COL9A3: variants seen among roughly 807,000 people sequenced by gnomAD.
The protein encoded by COL9A3 is collagen type IX alpha 3 chain, also known as collagen alpha-3(IX) chain.
COL9A3 carries 82 observed loss-of-function variants against 110.2 expected under a neutral mutation model. The ratio of observed to expected loss-of-function variants is 0.74; its 90% confidence interval spans 0.62 to 0.89. COL9A3 has a LOEUF of 0.89. Among genes scored for constraint, COL9A3 ranks in the 40% least tolerant of loss-of-function variants. COL9A3 has a pLI of 0.00. For missense variants in COL9A3, 1,066 were observed against 981.3 expected (o/e 1.09, Z -1.15); for synonymous variants, 494 against 403.8 (o/e 1.22, Z -2.68).
intron 8 of COL9A3, 50 bp downstream of exon 8, chr20:62,821,860 ACCC>A: frequency 9.4e-7 from 1 of 1,064,124 alleles, no homozygotes; most frequent in South Asian, 1.3e-5. Context: ...TGTGGCCTCC[ACCC>A]CCAGACTCAA....
chr20:62,826,638 C>A, intron 14 of COL9A3, 129 bp from the exon 15 acceptor site: 2 of 984,470 alleles, frequency 2.0e-6, no homozygotes, highest in Non-Finnish European at 3.1e-6. Context: ...TAGGTGGCAT[C>A]TTGGGGGAAC....
intron 26 of COL9A3, among the ~76,000 whole-genome samples, chr20:62,834,447 T>C (rs61693779): frequency 0.03 from 4,389 of 148,662 alleles, 210 homozygotes; most frequent in African/African-American, 0.11. Context: ...CAGTCGTGAG[T>C]CCGAGGGAAG....
At chr20:62,820,398 A>C (rs1053062497) in intron 5 of COL9A3, among the ~76,000 whole-genome samples, 1 of 152,180 alleles carries the variant, frequency 6.6e-6, no homozygotes, top group Non-Finnish European at 1.5e-5. Flanking sequence ...CCACCACCCA[A>C]GGGTGCCTTT....
chr20:62,836,085 A>G (rs1189528029), intron 27 of COL9A3, 102 bp from the exon 28 acceptor site: 17 of 1,604,032 alleles, frequency 1.1e-5, no homozygotes, highest in Non-Finnish European at 1.4e-5. Flanking sequence ...GCTCTGGTCA[A>G]GGCTGGGCAA....
intron 30 of COL9A3, among the ~76,000 whole-genome samples, chr20:62,837,844 C>T (rs868520067): frequency 2.0e-4 from 30 of 152,088 alleles, no homozygotes; most frequent in African/African-American, 4.3e-4. Context: ...TGGCCGGGTG[C>T]GGTGGCTCAT....
chr20:62,837,668 A>G (rs71325411), intron 30 of COL9A3, among the ~76,000 whole-genome samples: 4,637 of 152,148 alleles, frequency 0.03, 94 homozygotes, highest in Non-Finnish European at 0.045. Flanking sequence ...TTAGCTGGGC[A>G]TGGTGGCACA....
In COL9A3 at chr20:62,836,243, C is replaced by T. The variant is rs376958580; in HGVS notation, c.1458C>T (p.Ser486=). The T allele has an allele frequency of 8.1e-5, 131 of 1,613,708 alleles. No individual in the cohort carries two copies. The highest frequency in any genetic ancestry group is 1.9e-4 in the African/African-American group (14 of 75,054). Reference sequence around the variant, plus strand: ...GCACCCAGGGTCCCAACGGCACCAGCGGTGTTCAGGGTGTCCCCGGGCCCC... The same window carrying T: ...GCACCCAGGGTCCCAACGGCACCAGTGGTGTTCAGGGTGTCCCCGGGCCCC... ...PKGTQGPNGT[S]GVQGVPGPPG... Residue 486 remains serine (S), a synonymous_variant, in exon 28 of 32, where the codon AGC becomes AGT. Coordinates refer to ENST00000649368, the MANE Select transcript of COL9A3 (RefSeq NM_001853.4).
At chr20:62,838,866 T>A (rs2063654385) in intron 31 of COL9A3, 105 bp downstream of exon 31, 1 of 909,538 alleles carries the variant, frequency 1.1e-6, no homozygotes, top group Non-Finnish European at 1.8e-6. Flanking sequence ...CTTTTCCTCT[T>A]CTCTTGGCAA....
At chr20:62,821,635 C>CA in intron 7 of COL9A3, 105 bp downstream of exon 7, 1 of 1,562,170 alleles carries the variant, frequency 6.4e-7, no homozygotes, top group East Asian at 2.3e-5. Context: ...TTCTCAGGGG[C>CA]AGCCATCTGA....
At chr20:62,821,317 G>T in intron 6 of COL9A3, 101 bp downstream of exon 6, 1 of 1,392,094 alleles carries the variant, frequency 7.2e-7, no homozygotes. Flanking sequence ...GACCATCCCT[G>T]GCCCTCTCAT....
rs753022762 is a variant in COL9A3, at chr20:62,829,623, T to A, written c.1054-5T>A. 6.2e-7 allele frequency: 1 copy of A among 1,610,090 alleles called. No individual in the cohort carries two copies. The highest frequency in any genetic ancestry group is 8.5e-7 in the Non-Finnish European group (1 of 1,178,956). On this transcript the variant is annotated splice_polypyrimidine_tract_variant and splice_region_variant and intron_variant, in intron 20 of 31. Transcript: ENST00000649368. ...CAGGCACTCACAGCTCTCCTTCCTC[T>A]ACAGGGCAGAGCTGGGGAGCTGGGT...
At chr20:62,818,443 T>G (rs1314265784) in intron 2 of COL9A3, 75 bp from the exon 3 acceptor site, 7 of 1,432,066 alleles carry the variant, frequency 4.9e-6, no homozygotes, top group Admixed American at 1.7e-5. Context: ...AGGCCAGCGC[T>G]GCTCTTTTCC....
At chr20:62,821,466 C>A (rs764975424) in intron 6 of COL9A3, 41 bp from the exon 7 acceptor site, 1 of 1,612,694 alleles carries the variant, frequency 6.2e-7, no homozygotes, top group Non-Finnish European at 8.5e-7. Flanking sequence ...CGCAGCCCTT[C>A]TTGTGCCTGG....
chr20:62,818,513 C>T lies in COL9A3; in HGVS notation c.148-5C>T, dbSNP rs886056907. ...AGGGTTACATGTGGGTGTCTTTCCT[C>T]ACAGGGAGAAGCTGGTCCTCCAGGT... is the stretch of plus-strand genomic sequence containing the variant. On this transcript the variant is annotated splice_region_variant and splice_polypyrimidine_tract_variant and intron_variant, in intron 2 of 31. Transcript: ENST00000649368. The T allele has an allele frequency of 6.2e-7, 1 of 1,613,048 alleles. No homozygotes were observed. Among genetic ancestry groups the T allele is most frequent in the Non-Finnish European group, 8.5e-7 (1 of 1,179,894 alleles).
rs965382106 is a variant in COL9A3 at position 62,823,797 on chromosome 20, G to A, written c.520-648G>A. ...ACATTCCTGTGCTGAGGATGGGCCCGACCTGAGGCTGCTGCAAGGCCCCCT... is the reference window on the plus strand; with the variant it reads ...ACATTCCTGTGCTGAGGATGGGCCCAACCTGAGGCTGCTGCAAGGCCCCCT... On this transcript the variant is annotated intron_variant, in intron 10 of 31. Transcript: ENST00000649368. Among the ~76,000 whole-genome samples the A allele has an allele frequency of 5.3e-5, 8 of 152,378 alleles. No homozygotes were observed. In the South Asian group the frequency reaches 1.4e-3, roughly 28 times the overall value.
intron 2 of COL9A3, chr20:62,818,004 G>T: frequency 2.7e-6 from 1 of 377,122 alleles, no homozygotes. Context: ...GGGCTCTGGA[G>T]CCAGCCATGG....
intron 17 of COL9A3, among the ~76,000 whole-genome samples, 178 bp downstream of exon 17, chr20:62,828,154 C>T (rs1190664355): frequency 6.6e-6 from 1 of 152,196 alleles, no homozygotes; most frequent in East Asian, 1.9e-4. Context: ...CAGAGCCTCA[C>T]GAGTGTGCAG....
chr20:62,817,166 A>G, intron 1 of COL9A3, 24 bp downstream of exon 1: 1 of 1,368,040 alleles, frequency 7.3e-7, no homozygotes, highest in South Asian at 1.5e-5. Flanking sequence ...CCGGGCTCTG[A>G]GGCTGGACGT....
In COL9A3 at chr20:62,838,677, G is replaced by C; in HGVS notation, c.1787-7G>C. 1 of 1,552,128 alleles carries C rather than the reference G, an allele frequency of 6.4e-7. No individual in the cohort carries two copies. The highest frequency in any genetic ancestry group is 8.7e-7 in the Non-Finnish European group (1 of 1,147,202). On this transcript the variant is annotated splice_polypyrimidine_tract_variant and splice_region_variant and intron_variant, in intron 30 of 31. Transcript: ENST00000649368. ...AACCATATGTCTGTGTCCACACCTC[G>C]TGACAGGAAACCAGGGTGACAGAGG...
Sources: allele counts gnomAD v4.1 joint callset (sites outside exome capture counted in the v4.1 genomes callset), GRCh38; gene constraint gnomAD v4.1.1; transcripts MANE v1.5; gene names NCBI Gene and HGNC (gene_info 2026-07-23, HGNC 2026-07-21).